The following ERBB4 variants were observed in gnomAD, a reference collection of about 807,000 sequenced individuals.
The protein encoded by ERBB4 is receptor tyrosine-protein kinase erbB-4.
ERBB4 carries 42 observed loss-of-function variants against 158.0 expected under a neutral mutation model. The observed-to-expected ratio is 0.27, with a 90% CI of 0.21 to 0.34. The LOEUF (loss-of-function observed/expected upper bound fraction) is 0.34, where lower values mean the gene tolerates loss of function less well. Ranked by LOEUF, ERBB4 falls within the 10% of genes least tolerant of loss-of-function variation. The pLI is 1.00. For missense variants in ERBB4, 1,333 were observed against 1,624.1 expected, an observed-to-expected ratio of 0.82 and a Z score of 3.08; for synonymous variants, 583 against 558.7, an observed-to-expected ratio of 1.04 and a Z score of -0.61.
At chr2:212,142,957 G>T (rs1168471223) in intron 1 of ERBB4, among the ~76,000 whole-genome samples, 1 of 151,544 alleles carries the variant, frequency 6.6e-6, no homozygotes, top group African/African-American at 2.4e-5. Flanking sequence ...TCAAGTCCTG[G>T]CTGAAGCAAG....
intron 2 of ERBB4, among the ~76,000 whole-genome samples, chr2:211,948,536 C>G (rs760428686): frequency 4.1e-5 from 6 of 146,752 alleles, no homozygotes; most frequent in Non-Finnish European, 8.9e-5. Flanking sequence ...ATTTAGTTGT[C>G]TATAATAAGT....
chr2:212,115,337 T>C (rs2079539910), intron 2 of ERBB4, among the ~76,000 whole-genome samples: 1 of 152,128 alleles, frequency 6.6e-6, no homozygotes, highest in Non-Finnish European at 1.5e-5. Flanking sequence ...ATCTGTCTTT[T>C]TTTTGAAAGA....
intron 2 of ERBB4, among the ~76,000 whole-genome samples, chr2:211,977,524 T>C (rs2081644225): frequency 2.8e-4 from 2 of 7,174 alleles, no homozygotes; most frequent in South Asian, 0.026. Context: ...TGTTAAGATA[T>C]TGACTTTAAA....
chr2:211,684,841 G>C (rs2072498515), intron 12 of ERBB4, among the ~76,000 whole-genome samples: 1 of 152,132 alleles, frequency 6.6e-6, no homozygotes, highest in South Asian at 2.1e-4. Context: ...TGACCAACCA[G>C]TGGTCATAGT....
chr2:212,301,704 T>C (rs753443523), intron 1 of ERBB4, among the ~76,000 whole-genome samples: 4 of 151,076 alleles, frequency 2.6e-5, no homozygotes, highest in Non-Finnish European at 4.4e-5. Flanking sequence ...CGTTTGCACA[T>C]ACAATATTAA....
At chr2:212,518,845 A>C (rs372857633) in intron 1 of ERBB4, among the ~76,000 whole-genome samples, 2 of 152,014 alleles carry the variant, frequency 1.3e-5, no homozygotes, top group Non-Finnish European at 1.5e-5. Flanking sequence ...TCCAGGGAGA[A>C]AGTAGGGCAG....
At chr2:211,994,808 C>T (rs1200027763) in intron 2 of ERBB4, among the ~76,000 whole-genome samples, 2 of 152,178 alleles carry the variant, frequency 1.3e-5, no homozygotes, top group Admixed American at 6.5e-5. Context: ...ACAGCAAAAA[C>T]AGCACAATTA....
At chr2:212,133,107 T>C (rs1454435671) in intron 1 of ERBB4, among the ~76,000 whole-genome samples, 2 of 152,150 alleles carry the variant, frequency 1.3e-5, no homozygotes, top group African/African-American at 4.8e-5. Context: ...TTTTTGGTTC[T>C]GTTTCTCTGG....
At chr2:212,489,560 T>C (rs1690161511) in intron 1 of ERBB4, among the ~76,000 whole-genome samples, 1 of 151,942 alleles carries the variant, frequency 6.6e-6, no homozygotes, top group Non-Finnish European at 1.5e-5. Context: ...GGTCATCAGA[T>C]TCACCAATGT....
chr2:211,454,634 C>A (rs1347871778), intron 20 of ERBB4, among the ~76,000 whole-genome samples: 1 of 152,024 alleles, frequency 6.6e-6, no homozygotes, highest in African/African-American at 2.4e-5. Context: ...GTACAAGTGA[C>A]AAGAAAAAGT....
intron 1 of ERBB4, among the ~76,000 whole-genome samples, chr2:212,258,062 A>C (rs1326967699): frequency 6.6e-6 from 1 of 152,118 alleles, no homozygotes; most frequent in African/African-American, 2.4e-5. Context: ...CCAGTGTATG[A>C]ATTATTACTT....
At chr2:211,448,481 C>CAG (rs1440081036) in intron 20 of ERBB4, among the ~76,000 whole-genome samples, 1 of 151,810 alleles carries the variant, frequency 6.6e-6, no homozygotes, top group Non-Finnish European at 1.5e-5. Context: ...CACACACACA[C>CAG]ACACACACAC....
intron 20 of ERBB4, among the ~76,000 whole-genome samples, chr2:211,522,108 A>C (rs1177152159): frequency 6.6e-6 from 1 of 152,194 alleles, no homozygotes. Flanking sequence ...AAAAGGGTAT[A>C]ACTACCACAG....
intron 12 of ERBB4, among the ~76,000 whole-genome samples, chr2:211,687,501 T>C (rs2072612762): frequency 6.6e-6 from 1 of 151,860 alleles, no homozygotes; most frequent in African/African-American, 2.4e-5. Context: ...GAAGTTTGTT[T>C]GTTTGTTATT....
chr2:212,236,025 G>C (rs541221499), intron 1 of ERBB4, among the ~76,000 whole-genome samples: 1 of 152,264 alleles, frequency 6.6e-6, no homozygotes, highest in South Asian at 2.1e-4. Context: ...TGATGAGAAA[G>C]GGCATCCTTG....
intron 2 of ERBB4, among the ~76,000 whole-genome samples, chr2:212,078,551 T>C (rs1015657679): frequency 6.6e-6 from 1 of 151,940 alleles, no homozygotes; most frequent in Non-Finnish European, 1.5e-5. Context: ...TCAGCAAGCA[T>C]GTGAATACAC....
chr2:212,508,605 A>C (rs927325085), intron 1 of ERBB4, among the ~76,000 whole-genome samples: 6 of 107,142 alleles, frequency 5.6e-5, no homozygotes, highest in Admixed American at 4.1e-4. Context: ...ACAATTAGAG[A>C]GAGAACACAA....
chr2:212,040,750 T>G (rs1368822121), intron 2 of ERBB4, among the ~76,000 whole-genome samples: 3 of 152,144 alleles, frequency 2.0e-5, no homozygotes, highest in Non-Finnish European at 4.4e-5. Flanking sequence ...TCAGGCTGTT[T>G]GTGACCTGCT....
At chr2:212,366,515 T>A (rs2106373452) in intron 1 of ERBB4, among the ~76,000 whole-genome samples, 1 of 152,084 alleles carries the variant, frequency 6.6e-6, no homozygotes, top group South Asian at 2.1e-4. Context: ...TTCAGGGAGA[T>A]CTATGGCTAC....
Sources: gnomAD v4.1 joint callset for allele counts (sites outside exome capture counted in the v4.1 genomes callset) on GRCh38, gnomAD v4.1.1 for gene constraint, MANE v1.5 for transcripts, NCBI Gene and HGNC (gene_info 2026-07-23, HGNC 2026-07-21) for gene names.